Variants in ABHD11 observed in about 807,000 individuals in gnomAD.
The protein encoded by ABHD11 is abhydrolase domain containing 11.
Under a neutral mutation model 29.0 loss-of-function variants are expected in ABHD11, and 26 were observed. The ratio of observed to expected loss-of-function variants is 0.90; its 90% CI spans 0.66 to 1.24. The LOEUF is 1.24. ABHD11 is among the 50% of genes most tolerant of loss of function. The pLI is 0.00. For synonymous variants in ABHD11, 169 were observed against 166.4 expected (o/e 1.02, Z -0.12); for missense variants, 381 against 422.4 (o/e 0.90, Z 0.86).
intron 1 of ABHD11, 46 bp from the exon 2 acceptor site, chr7:73,738,509 G>A (rs782070948): frequency 2.5e-5 from 40 of 1,588,924 alleles, no homozygotes; most frequent in Non-Finnish European, 3.3e-5. Flanking sequence ...GGCGGAGACG[G>A]GGAAAGGGGT....
At position 73,736,706 on chromosome 7, in the gene ABHD11, G is replaced by A. The variant is rs781851925; in HGVS notation, c.789-15C>T. Reference sequence around the variant, plus strand: ...GGTGGCTGGGACTGTGCATCGCAGCGACGGCCATCAAAAACGGGTGAAAGT... The same window carrying A: ...GGTGGCTGGGACTGTGCATCGCAGCAACGGCCATCAAAAACGGGTGAAAGT... On this transcript the variant is annotated splice_polypyrimidine_tract_variant and intron_variant, in intron 5 of 5. Coordinates refer to ENST00000222800, the MANE Select transcript of ABHD11 (RefSeq NM_148912.4). 9.9e-6 allele frequency: 16 copies of A among 1,613,220 alleles called. No homozygotes were observed. Among genetic ancestry groups the A allele is most frequent in the East Asian group, 4.5e-5 (2 of 44,872 alleles).
chr7:73,738,065 G>T (rs1053818230), intron 2 of ABHD11: 10 of 759,234 alleles, frequency 1.3e-5, no homozygotes, highest in Admixed American at 1.2e-4. Context: ...GTGAGCTCCC[G>T]GTCATCCCTA....
At chr7:73,737,812 C>G in intron 2 of ABHD11, 77 bp from the exon 3 acceptor site, 1 of 1,538,762 alleles carries the variant, frequency 6.5e-7, no homozygotes, top group Non-Finnish European at 8.8e-7. Context: ...GTAGGGACAG[C>G]AGGTCAAAGG....
At position 73,738,764 on chromosome 7, in the gene ABHD11, G is replaced by A. The variant is rs1389338892; in HGVS notation, c.7C>T (p.Arg3Cys). 1.9e-6 allele frequency: 3 copies of A among 1,606,980 alleles called. No homozygotes were observed. Among genetic ancestry groups the A allele is most frequent in the Non-Finnish European group, 2.5e-6 (3 of 1,176,500 alleles). ...GGGAGCCTCCAGGCTCGGGTCCAGC[G>A]GAGCATGCTTGCAAGCTGTTGGCCG... ML[R>C]WTRAWRLPRE... The change falls in exon 1 of 6, where the codon CGC (arginine) becomes TGC (cysteine). Residue 3 changes from arginine (R) to cysteine (C), a missense_variant. Arg to Cys is a radical substitution (Grantham distance 180, BLOSUM62 -3). Transcript: ENST00000222800.
chr7:73,737,560 A>C lies in ABHD11; in HGVS notation c.435+2T>G, dbSNP rs1288953664. ...AGGAGGCCCCAGACATGGGCGGCTC[A>C]CCCTCTGTAGTGCCAGCAGCATGGC... is the stretch of plus-strand genomic sequence containing the variant. On this transcript the variant is annotated splice_donor_variant, in intron 3 of 5. Transcript: ENST00000222800. LOFTEE classifies it high-confidence loss of function. 4.4e-6 allele frequency: 7 copies of C among 1,599,170 alleles called. No individual in the cohort carries two copies. Among genetic ancestry groups the C allele is most frequent in the Non-Finnish European group, 6.0e-6 (7 of 1,172,918 alleles).
In ABHD11 at chr7:73,737,012, G is replaced by A. The variant is rs1554622038; in HGVS notation, c.705C>T (p.Asp235=). The stretch of plus-strand genomic sequence containing the variant: ...GCCTCTGTGGGAAAGCCAAGATCTT[G>A]TCTAGGTGCTGGGTCAGGGCATCCA... ...VNLDALTQHL[D]KILAFPQRQE... is the part of the protein sequence containing the mutation. Residue 235 remains aspartate (D), a synonymous_variant, in exon 5 of 6, where the codon GAC becomes GAT. Coordinates refer to ENST00000222800, the MANE Select transcript of ABHD11 (RefSeq NM_148912.4). 1 of 1,614,094 alleles carries A rather than the reference G, an allele frequency of 6.2e-7. No individual in the cohort carries two copies. Among genetic ancestry groups the A allele is most frequent in the East Asian group, 2.2e-5 (1 of 44,870 alleles).
chr7:73,736,889 C>G (rs533361215), intron 5 of ABHD11, 40 bp downstream of exon 5: 2 of 1,598,864 alleles, frequency 1.3e-6, no homozygotes, highest in Non-Finnish European at 1.7e-6. Context: ...GGGGCCTGGG[C>G]GAGTAAAGCA....
chr7:73,737,859 G>C, intron 2 of ABHD11, 124 bp from the exon 3 acceptor site: 1 of 1,409,174 alleles, frequency 7.1e-7, no homozygotes, highest in Non-Finnish European at 9.5e-7. Context: ...TGGAGGGGAA[G>C]GGCCCAGTTT....
In ABHD11 at chr7:73,737,328, G is replaced by T; in HGVS notation, c.499C>A (p.His167Asn). Reference sequence around the variant, plus strand: ...ATGGCTGCCACATAGGTTGCAAAGTGGGAGACACCTGTGCTTTCCACTGGG... The same window carrying T: ...ATGGCTGCCACATAGGTTGCAAAGTTGGAGACACCTGTGCTTTCCACTGGG... Reference protein sequence around the residue: ...ISPVESTGVSHFATYVAAMRA... With the variant: ...ISPVESTGVSNFATYVAAMRA... Residue 167 changes from histidine to asparagine, a missense_variant, in exon 4 of 6, where the codon CAC becomes AAC. By Grantham distance (68) the His-to-Asn change is moderately conservative (BLOSUM62 1). Transcript: ENST00000222800. 6.2e-7 allele frequency: 1 copy of T among 1,613,958 alleles called. No individual in the cohort carries two copies. The highest frequency in any genetic ancestry group is 1.3e-5 in the African/African-American group (1 of 75,054).
Position 73,736,432 on chromosome 7 carries a change from G to GT in ABHD11, c.*126dup. On this transcript the variant is annotated 3_prime_UTR_variant, in exon 6 of 6. Transcript: ENST00000222800. ...TTTTTGTATTTTTAGTAGAGACAGG[G>GT]TTTCACCATGTTGGCCAGGCTGGTC... 1 of 1,284,840 alleles carries GT rather than the reference G, an allele frequency of 7.8e-7. No individual in the cohort carries two copies. The highest frequency in any genetic ancestry group is 1.1e-6 in the Non-Finnish European group (1 of 925,834). The allele number at this position is 1,284,840 out of a possible 1,614,324, so 79.6% of individuals were successfully genotyped here.
chr7:73,738,178 G>T, intron 2 of ABHD11, 150 bp downstream of exon 2: 1 of 1,255,024 alleles, frequency 8.0e-7, no homozygotes, highest in Non-Finnish European at 1.1e-6. Flanking sequence ...CAACGTGAGG[G>T]AATAAATGGG....
chr7:73,736,891 A>T, intron 5 of ABHD11, 38 bp downstream of exon 5: 1 of 1,601,478 alleles, frequency 6.2e-7, no homozygotes, highest in Non-Finnish European at 8.5e-7. Context: ...GGCCTGGGCG[A>T]GTAAAGCATG....
Position 73,736,685 on chromosome 7 carries a change from G to C in ABHD11, c.795C>G (p.Ser265Arg), listed in dbSNP as rs1799912098. 1 of 1,613,776 alleles carries C rather than the reference G, an allele frequency of 6.2e-7. No homozygotes were observed. Among genetic ancestry groups the C allele is most frequent in the Non-Finnish European group, 8.5e-7 (1 of 1,180,032 alleles). The change falls in exon 6 of 6, where the codon AGC (serine) becomes AGG (arginine). Residue 265 changes from serine (S) to arginine (R), a missense_variant. Ser to Arg is a moderately radical substitution (Grantham distance 110). Coordinates refer to ENST00000222800, the MANE Select transcript of ABHD11 (RefSeq NM_148912.4). The part of the protein sequence containing the change: ...LGGNSQFVHP[S>R]HHPEIMRLFP... ...AGAGCCGCATAATCTCAGGGTGGTG[G>C]CTGGGACTGTGCATCGCAGCGACGG... is the stretch of plus-strand genomic sequence containing the variant.
At position 73,737,234 on chromosome 7, in the gene ABHD11, C is replaced by A. The variant is rs1554622165; in HGVS notation, c.593G>T (p.Ser198Ile). ...RARKLADEQL[S>I]SVIQDMAVRQ... ...TGGGTGTATCACCTGGATGACAGAA[C>A]TGAGCTGTTCATCCGCCAGTTTTCG... is the stretch of plus-strand genomic sequence containing the variant. Residue 198 changes from serine to isoleucine, a missense_variant, in exon 4 of 6, where the codon AGT becomes ATT. Ser to Ile is a moderately radical substitution (Grantham distance 142). Coordinates refer to ENST00000222800, the MANE Select transcript of ABHD11 (RefSeq NM_148912.4). The A allele has an allele frequency of 6.2e-7, 1 of 1,614,122 alleles. No homozygotes were observed. The highest frequency in any genetic ancestry group is 2.2e-5 in the East Asian group (1 of 44,878).
chr7:73,738,295 C>G lies in ABHD11; in HGVS notation c.261+33G>C, dbSNP rs181490499. On this transcript the variant is annotated intron_variant, in intron 2 of 5. Transcript: ENST00000222800. The stretch of plus-strand genomic sequence containing the variant: ...TCAGGCCCCGCCCACTCCCGCCCAG[C>G]CCCAAAGGAGCCCCGCCCACTCGAA... 84 of 1,593,152 alleles carry G rather than the reference C, an allele frequency of 5.3e-5. No individual in the cohort carries two copies. In the African/African-American group the frequency reaches 1.1e-3, roughly 21 times the overall value.
At chr7:73,736,801 A>C in intron 5 of ABHD11, 110 bp from the exon 6 acceptor site, 1 of 1,582,456 alleles carries the variant, frequency 6.3e-7, no homozygotes, top group Non-Finnish European at 8.6e-7. Context: ...GTGTGAGCCC[A>C]TATGCCCGGT....
At chr7:73,738,030 G>A in intron 2 of ABHD11, 1 of 742,928 alleles carries the variant, frequency 1.3e-6, no homozygotes, top group South Asian at 1.5e-5. Context: ...TAGGAGCACA[G>A]AAGAATGGGC....
chr7:73,736,653 C>T lies in ABHD11; in HGVS notation c.827G>A (p.Arg276Gln), dbSNP rs782572297. The stretch of plus-strand genomic sequence containing the variant: ...GTTCGGCACCGTCTGCATCTGGGCC[C>T]GAGGGAAGAGCCGCATAATCTCAGG... ...HHPEIMRLFP[R>Q]AQMQTVPNAG... Residue 276 changes from arginine (R) to glutamine (Q), a missense_variant, in exon 6 of 6, where the codon CGG (arginine) becomes CAG (glutamine). By Grantham distance (43) the Arg-to-Gln change is conservative. Coordinates refer to ENST00000222800, the MANE Select transcript of ABHD11 (RefSeq NM_148912.4). 1.1e-5 allele frequency: 17 copies of T among 1,613,908 alleles called. No homozygotes were observed. The highest frequency in any genetic ancestry group is 4.5e-5 in the East Asian group (2 of 44,872).
chr7:73,736,390 C>G lies in ABHD11; in HGVS notation c.*169G>C. 1 of 830,522 alleles carries G rather than the reference C, an allele frequency of 1.2e-6. No homozygotes were observed. Among genetic ancestry groups the G allele is most frequent in the Non-Finnish European group, 1.8e-6 (1 of 548,010 alleles). 51.4% of individuals were successfully genotyped at this position (830,522 alleles called of 1,614,324 possible). The stretch of plus-strand genomic sequence containing the variant: ...GAGTAGCTGGGATTACAGGTGTGCA[C>G]CACCACGCCAGGCTAATTTTTGTAT... On this transcript the variant is annotated 3_prime_UTR_variant, in exon 6 of 6. Transcript: ENST00000222800.
Sources: gnomAD v4.1 joint callset for allele counts on GRCh38, gnomAD v4.1.1 for gene constraint, MANE v1.5 for transcripts, NCBI Gene and HGNC (gene_info 2026-07-23, HGNC 2026-07-21) for gene names.